Variants in PCNX1 observed in about 807,000 individuals in gnomAD.
PCNX1 encodes the protein pecanex 1, also known as pecanex-like protein 1.
PCNX1 carries 78 observed loss-of-function variants against 242.2 expected under a neutral mutation model. The observed-to-expected ratio is 0.32, with a 90% CI of 0.27 to 0.39. The LOEUF is 0.39. Among genes scored for constraint, PCNX1 ranks in the 10% least tolerant of loss-of-function variants. The pLI, the probability that PCNX1 is intolerant of heterozygous loss-of-function variation, is 1.00. For synonymous variants in PCNX1, 1,024 were observed against 1,032.9 expected (o/e 0.99, Z 0.17); for missense variants, 2,581 against 2,856.5 (o/e 0.90, Z 2.20).
chr14:70,928,045 A>G (rs1274119067), intron 1 of PCNX1, among the ~76,000 whole-genome samples: 1 of 151,756 alleles, frequency 6.6e-6, no homozygotes, highest in Admixed American at 6.6e-5. Context: ...TCATAGTTTG[A>G]CTCTTCCTTT....
At chr14:71,069,680 A>C (rs1031719647) in intron 26 of PCNX1, among the ~76,000 whole-genome samples, 1 of 152,242 alleles carries the variant, frequency 6.6e-6, no homozygotes, top group African/African-American at 2.4e-5. Context: ...TAAAGAAAGA[A>C]TGTACTACAT....
At position 71,036,101 on chromosome 14, in the gene PCNX1, G is replaced by C; in HGVS notation, c.3811G>C (p.Val1271Leu). ...ACAGTCTGACCTGGTAGTATGCATT[G>C]TAATTGGTGTGCTGTATTTTGCTAT... ...RLQSDLVVCI[V>L]IGVLYFAIHV... Residue 1271 changes from valine (V) to leucine (L), a missense_variant, in exon 19 of 36, where the codon GTA (valine) becomes CTA (leucine). Physicochemically the swap from Val to Leu is conservative, Grantham distance 32 (BLOSUM62 1). Around this residue, in one of 9 missense-constraint regions of PCNX1, gnomAD observed 432 missense variants for 443.1 expected, o/e 0.97. Coordinates refer to ENST00000304743, the MANE Select transcript of PCNX1 (RefSeq NM_014982.3). The C allele has an allele frequency of 6.2e-7, 1 of 1,609,452 alleles. No homozygotes were observed. Among genetic ancestry groups the C allele is most frequent in the South Asian group, 1.1e-5 (1 of 90,942 alleles).
chr14:70,918,884 G>GT lies in PCNX1; in HGVS notation c.153+10897dup, dbSNP rs33959914. Among the ~76,000 whole-genome samples, 907 of 140,510 alleles carry GT rather than the reference G, an allele frequency of 6.5e-3. 8 individuals carry two copies. Among genetic ancestry groups the GT allele is most frequent in the East Asian group, 0.059 (292 of 4,920 alleles). 92.2% of individuals were successfully genotyped at this position (140,510 alleles called of 152,430 possible). ...GTGTTCGTTTGTTGGTGGTTTTTTG[G>GT]TTTTTTTTTTTTTTTTAGACAAAGT... On this transcript the variant is annotated intron_variant, in intron 1 of 35. Transcript: ENST00000304743.
At chr14:70,974,082 T>C (rs1263126797) in intron 5 of PCNX1, among the ~76,000 whole-genome samples, 4 of 151,800 alleles carry the variant, frequency 2.6e-5, no homozygotes, top group East Asian at 1.9e-4. Context: ...TTTTTTAATG[T>C]GTCTGGCTTC....
chr14:71,050,409 G>C (rs1280554854), intron 22 of PCNX1, among the ~76,000 whole-genome samples: 1 of 152,016 alleles, frequency 6.6e-6, no homozygotes, highest in Non-Finnish European at 1.5e-5. Context: ...TTTTTAAACA[G>C]ATGAAACATA....
Position 70,955,299 on chromosome 14 carries a change from T to C in PCNX1, c.363-6927T>C, listed in dbSNP as rs1368658603. ...CAATTTAAACTGTATGAAGCTGGAT[T>C]TTAGGCTGTTTTCTGAGAGAGATTA... On this transcript the variant is annotated intron_variant, in intron 2 of 35. Transcript: ENST00000304743. 3.9e-5 allele frequency among the ~76,000 whole-genome samples: 6 copies of C among 152,312 alleles called. No homozygotes were observed. In the East Asian group the frequency reaches 1.2e-3, roughly 29 times the overall value.
chr14:70,920,245 T>C (rs1036887896), intron 1 of PCNX1, among the ~76,000 whole-genome samples: 9 of 152,226 alleles, frequency 5.9e-5, no homozygotes, highest in Admixed American at 4.6e-4. Context: ...TTTCAAAAAA[T>C]TAGAAATTAA....
At position 70,907,670 on chromosome 14, in the gene PCNX1, G is replaced by T; in HGVS notation, c.-181G>T. 1.5e-6 allele frequency: 1 copy of T among 653,764 alleles called. No homozygotes were observed. The highest frequency in any genetic ancestry group is 2.0e-6 in the Non-Finnish European group (1 of 490,268). The allele number at this position is 653,764 out of a possible 1,614,324, so 40.5% of individuals were successfully genotyped here. A position where few individuals can be genotyped will look rare whatever the true frequency, so the allele number is the denominator to read the frequency against. On this transcript the variant is annotated 5_prime_UTR_variant, in exon 1 of 36. Coordinates refer to ENST00000304743, the MANE Select transcript of PCNX1 (RefSeq NM_014982.3). ...CCTCCTCTCGGGTCTCCTCCTCCTCGTTTGCTGCCTCCTCCTCCTCCTGCA... is the reference window on the plus strand; with the variant it reads ...CCTCCTCTCGGGTCTCCTCCTCCTCTTTTGCTGCCTCCTCCTCCTCCTGCA...
intron 8 of PCNX1, among the ~76,000 whole-genome samples, chr14:70,997,029 TAAATA>T (rs2059373745): frequency 6.6e-6 from 1 of 152,160 alleles, no homozygotes; most frequent in Non-Finnish European, 1.5e-5. Context: ...TGGTGATTTC[TAAATA>T]AAATGAGAAA....
intron 1 of PCNX1, among the ~76,000 whole-genome samples, chr14:70,940,050 C>T (rs1298274117): frequency 6.6e-6 from 1 of 152,156 alleles, no homozygotes; most frequent in Non-Finnish European, 1.5e-5. Flanking sequence ...CTCCTGAATG[C>T]AGCGCACACT....
intron 1 of PCNX1, among the ~76,000 whole-genome samples, chr14:70,927,896 A>G (rs1187977726): frequency 1.3e-5 from 2 of 152,074 alleles, no homozygotes; most frequent in African/African-American, 4.8e-5. Flanking sequence ...CCTGATTTTC[A>G]TTCTTGTGTT....
At position 71,115,351 on chromosome 14, in the gene PCNX1, A is replaced by C. The variant is rs1244374638; in HGVS notation, c.*5416A>C. ...AAATACAGTATTGACAGTGGATAAA[A>C]CACTGAGGAAATAAATTTTTTTTCA... On this transcript the variant is annotated 3_prime_UTR_variant, in exon 36 of 36. Coordinates refer to ENST00000304743, the MANE Select transcript of PCNX1 (RefSeq NM_014982.3). 6.6e-6 allele frequency: 1 copy of C among 152,650 alleles called. No individual in the cohort carries two copies. The highest frequency in any genetic ancestry group is 1.9e-4 in the East Asian group (1 of 5,204). 9.5% of individuals were successfully genotyped at this position (152,650 alleles called of 1,614,324 possible).
chr14:70,923,319 T>TA (rs1236756950), intron 1 of PCNX1, among the ~76,000 whole-genome samples: 1 of 152,286 alleles, frequency 6.6e-6, no homozygotes, highest in South Asian at 2.1e-4. Context: ...CAAAGGTTTG[T>TA]AAAAAAATTC....
chr14:71,031,557 A>G (rs1343364037), intron 16 of PCNX1: 1 of 454,304 alleles, frequency 2.2e-6, no homozygotes, highest in Non-Finnish European at 4.1e-6. Flanking sequence ...CCCAACTTCA[A>G]CAACCTCCTG....
chr14:71,107,121 T>C (rs1048965114), intron 33 of PCNX1, among the ~76,000 whole-genome samples: 4 of 152,206 alleles, frequency 2.6e-5, no homozygotes, highest in African/African-American at 4.8e-5. Context: ...ACTGTCTCCA[T>C]ATGGCTGGGC....
At chr14:70,981,905 T>G (rs1167641012) in intron 6 of PCNX1, among the ~76,000 whole-genome samples, 1 of 152,232 alleles carries the variant, frequency 6.6e-6, no homozygotes, top group Non-Finnish European at 1.5e-5. Flanking sequence ...TTGTGTTTAC[T>G]TACTATTCTT....
At chr14:71,109,080 T>G in intron 34 of PCNX1, 34 bp downstream of exon 34, 1 of 1,508,210 alleles carries the variant, frequency 6.6e-7, no homozygotes, top group Non-Finnish European at 9.0e-7. Context: ...TGTGCTGTTT[T>G]TGTTACTTAT....
chr14:71,092,207 T>G (rs1566796108), intron 30 of PCNX1, among the ~76,000 whole-genome samples: 1 of 152,190 alleles, frequency 6.6e-6, no homozygotes, highest in Admixed American at 6.5e-5. Context: ...AAAAGAAAAT[T>G]CGTGAAGCTT....
Position 71,114,888 on chromosome 14 carries a change from A to C in PCNX1, c.*4953A>C, listed in dbSNP as rs1424507981. The C allele has an allele frequency of 8.0e-6, 1 of 125,066 alleles. No homozygotes were observed. The highest frequency in any genetic ancestry group is 1.6e-5 in the Non-Finnish European group (1 of 62,570). 7.7% of individuals were successfully genotyped at this position (125,066 alleles called of 1,614,324 possible). A position where few individuals can be genotyped will look rare whatever the true frequency, so the allele number is the denominator to read the frequency against. On this transcript the variant is annotated 3_prime_UTR_variant, in exon 36 of 36. Transcript: ENST00000304743. ...GACTCTTGGGTTTAGTGTACTTGTG[A>C]TTGAACAAGATTTTTTATCTATGAA...
Sources: gnomAD v4.1 joint callset for allele counts (sites outside exome capture counted in the v4.1 genomes callset) on GRCh38, gnomAD v4.1.1 for gene constraint, gnomAD v4.1.1 regional missense constraint, MANE v1.5 for transcripts, NCBI Gene and HGNC (gene_info 2026-07-23, HGNC 2026-07-21) for gene names.